FHIT: variants seen among roughly 807,000 people sequenced by gnomAD.
FHIT encodes the protein bis(5'-adenosyl)-triphosphatase.
In FHIT, 19 loss-of-function variants were observed where a neutral mutation model predicts 17.9. The ratio of observed to expected loss-of-function variants is 1.06; its 90% confidence interval spans 0.74 to 1.56. The LOEUF (loss-of-function observed/expected upper bound fraction) is 1.56. Ranked by LOEUF, FHIT falls within the 40% of genes most tolerant of loss-of-function variation. The pLI is 0.00. For synonymous variants in FHIT, 81 were observed against 69.7 expected (o/e 1.16, Z -0.81); for missense variants, 248 against 189.2 (o/e 1.31, Z -1.82).
intron 2 of FHIT, among the ~76,000 whole-genome samples, chr3:61,102,255 T>A (rs2106855415): frequency 6.6e-6 from 1 of 152,374 alleles, no homozygotes; most frequent in South Asian, 2.1e-4. Flanking sequence ...TTCAGAGTTT[T>A]TAGCATGAAG....
chr3:61,043,635 C>T lies in FHIT; in HGVS notation c.-163-1536G>A, dbSNP rs144123715. On this transcript the variant is annotated intron_variant, in intron 2 of 9. Coordinates refer to ENST00000492590, the MANE Select transcript of FHIT (RefSeq NM_002012.4). Reference sequence around the variant, plus strand: ...GACAGCTTTGAAGAGAGCAGTGGTTCTCCCACCATGGAGTTTGACATCTGA... The same window carrying T: ...GACAGCTTTGAAGAGAGCAGTGGTTTTCCCACCATGGAGTTTGACATCTGA... Among the ~76,000 whole-genome samples the T allele has an allele frequency of 7.5e-3, 1,148 of 152,300 alleles. 16 individuals are homozygous for T. Among genetic ancestry groups the T allele is most frequent in the African/African-American group, 0.025 (1,020 of 41,550 alleles).
intron 5 of FHIT, among the ~76,000 whole-genome samples, chr3:60,069,802 T>C (rs535700560): frequency 6.6e-6 from 1 of 152,154 alleles, no homozygotes; most frequent in African/African-American, 2.4e-5. Context: ...ATACTTTCCA[T>C]CCTTAGAGGG....
At chr3:60,613,228 T>A (rs1348236792) in intron 4 of FHIT, among the ~76,000 whole-genome samples, 2 of 152,164 alleles carry the variant, frequency 1.3e-5, no homozygotes, top group African/African-American at 2.4e-5. Context: ...GGCCAAAATT[T>A]GTGGCATTTC....
intron 5 of FHIT, among the ~76,000 whole-genome samples, chr3:60,400,048 G>A (rs900445880): frequency 7.2e-5 from 11 of 152,128 alleles, no homozygotes; most frequent in Non-Finnish European, 1.5e-4. Context: ...TGACTAAGCC[G>A]GGTGCTCTAT....
chr3:61,203,028 A>G (rs2039078991), intron 1 of FHIT, among the ~76,000 whole-genome samples: 1 of 151,978 alleles, frequency 6.6e-6, no homozygotes, highest in Admixed American at 6.6e-5. Flanking sequence ...AAAATACAAA[A>G]AATTAGATGG....
rs562325449 is a variant in FHIT, at chr3:60,842,168, C to G, written c.-110-20157G>C. Reference sequence around the variant, plus strand: ...GGCATATCCTGCCCTCACGGATAACCCTACAGTTGAGTAGAAGGATGCTGG... The same window carrying G: ...GGCATATCCTGCCCTCACGGATAACGCTACAGTTGAGTAGAAGGATGCTGG... On this transcript the variant is annotated intron_variant, in intron 3 of 9. Transcript: ENST00000492590. Among the ~76,000 whole-genome samples, 10 of 152,174 alleles carry G rather than the reference C, an allele frequency of 6.6e-5. No individual in the cohort carries two copies. In the East Asian group the frequency reaches 1.4e-3, roughly 21 times the overall value.
intron 5 of FHIT, among the ~76,000 whole-genome samples, chr3:60,344,189 T>C (rs1449416131): frequency 6.6e-6 from 1 of 152,194 alleles, no homozygotes; most frequent in Non-Finnish European, 1.5e-5. Context: ...TTCTATATTT[T>C]ACTGATGGGT....
intron 4 of FHIT, among the ~76,000 whole-genome samples, chr3:60,559,143 T>G (rs190111328): frequency 4.6e-5 from 7 of 152,302 alleles, no homozygotes; most frequent in Admixed American, 3.9e-4. Flanking sequence ...CATAGATTTG[T>G]GTTAGTAAAT....
intron 3 of FHIT, among the ~76,000 whole-genome samples, chr3:60,850,055 A>G (rs1251116140): frequency 6.6e-6 from 1 of 151,948 alleles, no homozygotes; most frequent in Non-Finnish European, 1.5e-5. Context: ...TTTTATCTCA[A>G]CACTTTCATT....
chr3:61,119,005 A>G (rs1321759472), intron 2 of FHIT, among the ~76,000 whole-genome samples: 1 of 152,164 alleles, frequency 6.6e-6, no homozygotes, highest in Admixed American at 6.5e-5. Flanking sequence ...ACTGGGCACC[A>G]TCATTTCAGT....
chr3:61,183,168 T>C (rs1027106656), intron 2 of FHIT, among the ~76,000 whole-genome samples: 4 of 152,230 alleles, frequency 2.6e-5, no homozygotes, highest in African/African-American at 9.6e-5. Flanking sequence ...AGTGCCGTTA[T>C]GTTCTAGCTC....
chr3:60,708,595 T>C (rs962481025), intron 4 of FHIT, among the ~76,000 whole-genome samples: 10 of 152,176 alleles, frequency 6.6e-5, no homozygotes, highest in Non-Finnish European at 1.3e-4. Context: ...CCTGGTGGCT[T>C]GAGTAGAGAA....
At chr3:61,215,198 G>C (rs1227337119) in intron 1 of FHIT, among the ~76,000 whole-genome samples, 2 of 152,038 alleles carry the variant, frequency 1.3e-5, no homozygotes, top group Admixed American at 1.3e-4. Flanking sequence ...CATTCAATTA[G>C]GAAAAGAGGA....
At chr3:60,772,308 T>C (rs1048035964) in intron 4 of FHIT, among the ~76,000 whole-genome samples, 2 of 126,674 alleles carry the variant, frequency 1.6e-5, no homozygotes, top group Admixed American at 8.0e-5. Flanking sequence ...ATTGTTCACT[T>C]CTCATCTATA....
At chr3:60,296,057 C>T (rs1708192804) in intron 5 of FHIT, among the ~76,000 whole-genome samples, 1 of 152,104 alleles carries the variant, frequency 6.6e-6, no homozygotes, top group Non-Finnish European at 1.5e-5. Context: ...CATTCTTTCT[C>T]ACCTCCTTTC....
chr3:60,727,856 T>C (rs2041948957), intron 4 of FHIT, among the ~76,000 whole-genome samples: 1 of 151,978 alleles, frequency 6.6e-6, no homozygotes, highest in Non-Finnish European at 1.5e-5. Context: ...TACAAAAAAT[T>C]AGCTGGGCAT....
intron 8 of FHIT, among the ~76,000 whole-genome samples, chr3:59,754,524 G>C (rs1039719929): frequency 1.3e-5 from 2 of 152,232 alleles, no homozygotes; most frequent in Admixed American, 1.3e-4. Context: ...AATTCAATAG[G>C]ATGACAAAGA....
intron 3 of FHIT, among the ~76,000 whole-genome samples, chr3:61,038,798 A>G (rs892519814): frequency 1.3e-5 from 2 of 152,246 alleles, no homozygotes; most frequent in African/African-American, 4.8e-5. Flanking sequence ...ATCTAGGTAT[A>G]CAACCTGCTT....
At position 60,025,734 on chromosome 3, in the gene FHIT, G is replaced by GAAAA. The variant is rs71627518; in HGVS notation, c.104-11586_104-11583dup. Reference sequence around the variant, plus strand: ...AATAAAAATGCAGAAAATTCTACCAGAAAAAAAAAAAAAAAGAGAGAGTGA... The same window carrying GAAAA: ...AATAAAAATGCAGAAAATTCTACCAGAAAAAAAAAAAAAAAAAAAGAGAGAGTGA... On this transcript the variant is annotated intron_variant, in intron 5 of 9. Coordinates refer to ENST00000492590, the MANE Select transcript of FHIT (RefSeq NM_002012.4). Among the ~76,000 whole-genome samples, 214 of 119,698 alleles carry GAAAA rather than the reference G, an allele frequency of 1.8e-3. 4 individuals carry two copies. The highest frequency in any genetic ancestry group is 0.014 in the Middle Eastern group (3 of 222). 78.5% of individuals were successfully genotyped at this position (119,698 alleles called of 152,430 possible). A position where few individuals can be genotyped will look rare whatever the true frequency, so the allele number is the denominator to read the frequency against.
Sources: gnomAD v4.1 joint callset for allele counts (sites outside exome capture counted in the v4.1 genomes callset) on GRCh38, gnomAD v4.1.1 for gene constraint, MANE v1.5 for transcripts, NCBI Gene and HGNC (gene_info 2026-07-23, HGNC 2026-07-21) for gene names.